SNTG1: variants seen among roughly 807,000 people sequenced by gnomAD.
The protein encoded by SNTG1 is syntrophin gamma 1.
In SNTG1, 39 loss-of-function variants were observed where a neutral mutation model predicts 74.7. The observed-to-expected ratio is 0.52, with a 90% CI of 0.40 to 0.68. SNTG1 has a LOEUF of 0.68. Among genes scored for constraint, SNTG1 ranks in the 30% least tolerant of loss-of-function variants. The pLI is 0.00. For synonymous variants in SNTG1, 254 were observed against 217.1 expected (o/e 1.17, Z -1.49); for missense variants, 685 against 609.5 (o/e 1.12, Z -1.30).
chr8:50,131,510 A>G (rs1036127671), intron 1 of SNTG1, among the ~76,000 whole-genome samples: 2 of 152,096 alleles, frequency 1.3e-5, no homozygotes, highest in African/African-American at 4.8e-5. Flanking sequence ...TTACTTGTGT[A>G]TTAAGGCTGA....
chr8:50,553,796 C>T (rs1269554256), intron 12 of SNTG1, among the ~76,000 whole-genome samples: 4 of 152,064 alleles, frequency 2.6e-5, no homozygotes, highest in Non-Finnish European at 5.9e-5. Flanking sequence ...ATTAATAATT[C>T]TATGAGAAAT....
At chr8:50,374,118 A>G (rs185882340) in intron 2 of SNTG1, among the ~76,000 whole-genome samples, 4 of 152,362 alleles carry the variant, frequency 2.6e-5, no homozygotes, top group Non-Finnish European at 5.9e-5. Context: ...AACAAAACAC[A>G]TAGCCAATGG....
chr8:50,737,346 A>G (rs7817245), intron 17 of SNTG1, among the ~76,000 whole-genome samples: 56,365 of 151,968 alleles, frequency 0.37, 12,061 homozygotes, highest in African/African-American at 0.59. Flanking sequence ...ACACCCTCCT[A>G]AGACTAAACC....
rs550491555 is a variant in SNTG1, at chr8:50,320,804, CGT to C, written c.-27-73403_-27-73402del. On this transcript the variant is annotated intron_variant, in intron 2 of 18. Coordinates refer to ENST00000642720, the MANE Select transcript of SNTG1 (RefSeq NM_018967.5). Reference sequence around the variant, plus strand: ...ATTCAGGATCATATCGTTTCATTTTCGTGTGTTTGTATAGTTTCCAAAATTCT... The same window carrying C: ...ATTCAGGATCATATCGTTTCATTTTCGTGTTTGTATAGTTTCCAAAATTCT... Among the ~76,000 whole-genome samples the C allele has an allele frequency of 2.6e-3, 392 of 152,074 alleles. 1 individual carries two copies. The highest frequency in any genetic ancestry group is 8.8e-3 in the African/African-American group (365 of 41,542).
chr8:50,451,802 G>A (rs1017632653), intron 8 of SNTG1, among the ~76,000 whole-genome samples: 1 of 152,086 alleles, frequency 6.6e-6, no homozygotes, highest in African/African-American at 2.4e-5. Context: ...AAAGGAACAG[G>A]ACTGTGGTAG....
intron 12 of SNTG1, among the ~76,000 whole-genome samples, chr8:50,579,694 C>T (rs1402261849): frequency 6.6e-6 from 1 of 152,184 alleles, no homozygotes; most frequent in Non-Finnish European, 1.5e-5. Flanking sequence ...GCCGTTGCTT[C>T]AGATGATGCA....
intron 1 of SNTG1, among the ~76,000 whole-genome samples, chr8:50,135,703 T>C (rs2081450538): frequency 1.3e-5 from 2 of 152,256 alleles, no homozygotes; most frequent in Non-Finnish European, 2.9e-5. Flanking sequence ...ATATTTATGC[T>C]GCATCTCTTC....
intron 2 of SNTG1, among the ~76,000 whole-genome samples, chr8:50,307,875 G>A (rs975252657): frequency 1.3e-5 from 2 of 152,102 alleles, no homozygotes; most frequent in African/African-American, 4.8e-5. Context: ...TGGCATTAGA[G>A]ATCTTTCTGT....
intron 12 of SNTG1, among the ~76,000 whole-genome samples, chr8:50,564,698 T>C (rs2094506328): frequency 1.3e-5 from 2 of 152,116 alleles, no homozygotes; most frequent in Admixed American, 1.3e-4. Context: ...GTGTTAAATA[T>C]CATAGTCTAT....
intron 17 of SNTG1, among the ~76,000 whole-genome samples, chr8:50,743,384 A>T (rs1043922459): frequency 6.6e-6 from 1 of 152,010 alleles, no homozygotes; most frequent in African/African-American, 2.4e-5. Context: ...ACACCTTAAT[A>T]GAATGAAGTT....
intron 2 of SNTG1, among the ~76,000 whole-genome samples, chr8:50,285,813 CCA>C (rs1491199952): frequency 9.2e-4 from 45 of 48,806 alleles, no homozygotes; most frequent in African/African-American, 1.6e-3. Flanking sequence ...CAATATATTT[CCA>C]AAAAAAAAAA....
At chr8:49,962,219 G>A (rs1000372395) in intron 1 of SNTG1, among the ~76,000 whole-genome samples, 2 of 151,952 alleles carry the variant, frequency 1.3e-5, no homozygotes, top group African/African-American at 4.8e-5. Flanking sequence ...CGGCTAGTTG[G>A]AATGTGAGGT....
chr8:50,361,330 T>C (rs2091950839), intron 2 of SNTG1, among the ~76,000 whole-genome samples: 1 of 152,190 alleles, frequency 6.6e-6, no homozygotes, highest in African/African-American at 2.4e-5. Context: ...TGAATACCTC[T>C]GGAAGGATGT....
rs187871575 is a variant in SNTG1, at chr8:50,508,859, C to T, written c.466+5979C>T. On this transcript the variant is annotated intron_variant, in intron 9 of 18. Transcript: ENST00000642720. ...AAGTAGATTGCAAAAATTTTCTCCC[C>T]TTCTGTAGGCTGCCTGTTCACTCTG... Among the ~76,000 whole-genome samples, 428 of 152,046 alleles carry T rather than the reference C, an allele frequency of 2.8e-3. 3 individuals are homozygous for T. Among genetic ancestry groups the T allele is most frequent in the African/African-American group, 9.9e-3 (411 of 41,520 alleles).
At chr8:50,321,029 C>A (rs997736593) in intron 2 of SNTG1, among the ~76,000 whole-genome samples, 1 of 151,898 alleles carries the variant, frequency 6.6e-6, no homozygotes, top group African/African-American at 2.4e-5. Flanking sequence ...ACGAAATATA[C>A]CTGATATACA....
intron 4 of SNTG1, among the ~76,000 whole-genome samples, chr8:50,425,186 G>T (rs1295697914): frequency 2.0e-5 from 3 of 151,922 alleles, no homozygotes; most frequent in Admixed American, 1.3e-4. Flanking sequence ...TTTTTTTGTG[G>T]TTAATACAAT....
intron 2 of SNTG1, among the ~76,000 whole-genome samples, chr8:50,314,589 T>C (rs1389376714): frequency 1.3e-5 from 2 of 149,738 alleles, no homozygotes; most frequent in South Asian, 4.5e-4. Context: ...GAGGTATAGA[T>C]GGAGATCTGA....
chr8:49,921,558 A>C (rs1806550230), intron 1 of SNTG1, among the ~76,000 whole-genome samples: 1 of 152,144 alleles, frequency 6.6e-6, no homozygotes, highest in Admixed American at 6.6e-5. Context: ...ATTATTGCTG[A>C]CAATGTGTGT....
chr8:50,695,487 C>CTCAT (rs1554614719), intron 15 of SNTG1, among the ~76,000 whole-genome samples: 1 of 149,442 alleles, frequency 6.7e-6, no homozygotes, highest in Admixed American at 6.7e-5. Context: ...TTTTTTATTT[C>CTCAT]TTATTTATTT....
Sources: gnomAD v4.1 joint callset for allele counts (sites outside exome capture counted in the v4.1 genomes callset) on GRCh38, gnomAD v4.1.1 for gene constraint, MANE v1.5 for transcripts, NCBI Gene and HGNC (gene_info 2026-07-23, HGNC 2026-07-21) for gene names.